The following MAGI2 variants were observed in gnomAD, a reference collection of about 807,000 sequenced individuals.
The protein encoded by MAGI2 is membrane associated guanylate kinase, WW and PDZ domain containing 2, also known as membrane-associated guanylate kinase, WW and PDZ domain-containing protein 2.
Under a neutral mutation model 133.3 loss-of-function variants are expected in MAGI2, and 35 were observed. The ratio of observed to expected loss-of-function variants is 0.26; its 90% confidence interval spans 0.20 to 0.35. The LOEUF is 0.35. Among genes scored for constraint, MAGI2 ranks in the 10% least tolerant of loss-of-function variants. The pLI, the probability that MAGI2 is intolerant of heterozygous loss-of-function variation, is 1.00. For missense variants in MAGI2, 1,636 were observed against 1,863.4 expected (o/e 0.88, Z 2.25); for synonymous variants, 729 against 710.6 (o/e 1.03, Z -0.41).
At chr7:78,669,168 C>T (rs910981328) in intron 2 of MAGI2, among the ~76,000 whole-genome samples, 55 of 151,746 alleles carry the variant, frequency 3.6e-4, no homozygotes, top group East Asian at 9.7e-4. Flanking sequence ...ATTGATAGAC[C>T]GATAGCAAGA....
chr7:78,241,883 G>A (rs1240960573), intron 10 of MAGI2, among the ~76,000 whole-genome samples: 1 of 151,470 alleles, frequency 6.6e-6, no homozygotes, highest in Non-Finnish European at 1.5e-5. Flanking sequence ...GCAGTGAGCC[G>A]AGATCATGCC....
intron 2 of MAGI2, among the ~76,000 whole-genome samples, chr7:78,778,904 CTTTTT>C (rs71085566): frequency 4.2e-5 from 5 of 118,454 alleles, no homozygotes; most frequent in African/African-American, 6.8e-5. Flanking sequence ...CCTTTTCAGC[CTTTTT>C]TTTTTTTTTT....
intron 3 of MAGI2, among the ~76,000 whole-genome samples, chr7:78,535,558 T>G (rs765799571): frequency 2.0e-5 from 3 of 149,780 alleles, no homozygotes; most frequent in Non-Finnish European, 4.4e-5. Flanking sequence ...AGCTCTGTCC[T>G]GACTCCATCT....
rs762346971 is a variant in MAGI2, at chr7:79,446,908, C to T, written c.301+6112G>A. ...CGGAGATTGCAGTGAGCTGAGATCA[C>T]GCCACTGCACTCCAGCCTGGACGAC... On this transcript the variant is annotated intron_variant, in intron 1 of 21. Transcript: ENST00000354212. 2.6e-5 allele frequency among the ~76,000 whole-genome samples: 4 copies of T among 152,086 alleles called. No individual in the cohort carries two copies. In the South Asian group the frequency reaches 6.2e-4, roughly 24 times the overall value.
At chr7:79,398,745 A>ATTAGTTC (rs1294939372) in intron 1 of MAGI2, among the ~76,000 whole-genome samples, 4 of 152,210 alleles carry the variant, frequency 2.6e-5, no homozygotes, top group Non-Finnish European at 5.9e-5. Context: ...TAGTTCATTT[A>ATTAGTTC]AACTGTCAAT....
At chr7:78,586,344 C>T (rs1256318430) in intron 3 of MAGI2, among the ~76,000 whole-genome samples, 2 of 152,042 alleles carry the variant, frequency 1.3e-5, no homozygotes, top group Non-Finnish European at 2.9e-5. Context: ...GCAGGAGTTC[C>T]AGCTAAGAGT....
At chr7:79,307,930 C>T (rs1254758137) in intron 1 of MAGI2, among the ~76,000 whole-genome samples, 2 of 152,150 alleles carry the variant, frequency 1.3e-5, no homozygotes, top group Non-Finnish European at 2.9e-5. Context: ...AAGGCTAGTT[C>T]AGTCTTTCCT....
At chr7:78,924,152 T>C (rs1374848726) in intron 2 of MAGI2, among the ~76,000 whole-genome samples, 4 of 152,192 alleles carry the variant, frequency 2.6e-5, no homozygotes, top group Non-Finnish European at 5.9e-5. Context: ...AGGGACAATT[T>C]GACTTCCTCT....
At chr7:78,344,075 T>G in intron 8 of MAGI2, 115 bp from the exon 9 acceptor site, 1 of 833,646 alleles carries the variant, frequency 1.2e-6, no homozygotes, top group Non-Finnish European at 1.9e-6. Flanking sequence ...TGGGGGGTCT[T>G]ATACAGCAAA....
At chr7:79,060,501 G>A (rs1813628046) in intron 1 of MAGI2, among the ~76,000 whole-genome samples, 1 of 152,030 alleles carries the variant, frequency 6.6e-6, no homozygotes, top group Non-Finnish European at 1.5e-5. Context: ...GGGGTTGATG[G>A]CAGTAGGAGT....
At chr7:79,220,721 C>T (rs1399320696) in intron 1 of MAGI2, among the ~76,000 whole-genome samples, 1 of 152,086 alleles carries the variant, frequency 6.6e-6, no homozygotes, top group East Asian at 1.9e-4. Flanking sequence ...CTCTATTAAA[C>T]TCTTTGAAAC....
intron 21 of MAGI2, among the ~76,000 whole-genome samples, chr7:78,050,085 C>T (rs912121326): frequency 6.6e-6 from 1 of 152,118 alleles, no homozygotes; most frequent in African/African-American, 2.4e-5. Flanking sequence ...GTCAATAAAT[C>T]GTTCACAACA....
intron 7 of MAGI2, among the ~76,000 whole-genome samples, chr7:78,368,794 T>G (rs1330127893): frequency 6.6e-6 from 1 of 152,218 alleles, no homozygotes. Flanking sequence ...TTCATTTAAT[T>G]GACTTCGAAA....
intron 21 of MAGI2, among the ~76,000 whole-genome samples, chr7:78,062,832 C>A (rs1183983085): frequency 2.0e-5 from 3 of 152,190 alleles, no homozygotes; most frequent in Non-Finnish European, 2.9e-5. Flanking sequence ...TTCCCCTCAT[C>A]ATCCTTCTGC....
At chr7:79,207,044 G>A (rs1161587944) in intron 1 of MAGI2, among the ~76,000 whole-genome samples, 1 of 151,774 alleles carries the variant, frequency 6.6e-6, no homozygotes, top group African/African-American at 2.4e-5. Context: ...AACAAATTAG[G>A]TACAGAAGAT....
intron 1 of MAGI2, among the ~76,000 whole-genome samples, chr7:79,286,212 A>G (rs1398189650): frequency 1.3e-5 from 2 of 152,090 alleles, no homozygotes; most frequent in African/African-American, 4.8e-5. Context: ...TAAATGGAAG[A>G]GGAAATGGAA....
At chr7:79,290,169 A>T (rs1836351751) in intron 1 of MAGI2, among the ~76,000 whole-genome samples, 1 of 152,026 alleles carries the variant, frequency 6.6e-6, no homozygotes, top group Non-Finnish European at 1.5e-5. Flanking sequence ...TAAGGGTACT[A>T]TTGCTATTGT....
At chr7:78,579,407 G>A (rs1483585949) in intron 3 of MAGI2, among the ~76,000 whole-genome samples, 2 of 152,138 alleles carry the variant, frequency 1.3e-5, no homozygotes, top group Admixed American at 6.6e-5. Flanking sequence ...AAGCAGCAGA[G>A]GCAGGAAAGC....
chr7:79,200,046 C>T (rs1048797350), intron 1 of MAGI2, among the ~76,000 whole-genome samples: 5 of 151,614 alleles, frequency 3.3e-5, no homozygotes, highest in African/African-American at 1.2e-4. Context: ...GCCCCAGCTG[C>T]AGCCTCTTTC....
Sources: allele counts gnomAD v4.1 joint callset (sites outside exome capture counted in the v4.1 genomes callset), GRCh38; gene constraint gnomAD v4.1.1; transcripts MANE v1.5; gene names NCBI Gene and HGNC (gene_info 2026-07-23, HGNC 2026-07-21).